Variants in MORC1 observed in about 807,000 individuals in gnomAD.
MORC1 encodes the protein MORC family CW-type zinc finger protein 1.
In MORC1, 59 loss-of-function variants were observed where a neutral mutation model predicts 134.9. The ratio of observed to expected loss-of-function variants is 0.44; its 90% CI spans 0.35 to 0.54. The LOEUF (loss-of-function observed/expected upper bound fraction) is 0.54, where lower values mean the gene tolerates loss of function less well. Ranked by LOEUF, MORC1 falls within the 20% of genes least tolerant of loss-of-function variation. The pLI is 0.00. For synonymous variants in MORC1, 395 were observed against 391.7 expected, an observed-to-expected ratio of 1.01 and a Z score of -0.10; for missense variants, 947 against 1,134.5, an observed-to-expected ratio of 0.83 and a Z score of 2.37.
intron 14 of MORC1, among the ~76,000 whole-genome samples, chr3:109,041,382 T>A (rs1949542239): frequency 6.6e-6 from 1 of 150,864 alleles, no homozygotes; most frequent in Admixed American, 6.6e-5. Flanking sequence ...TACAGAATAA[T>A]GAAAACTAAG....
chr3:109,032,744 T>C lies in MORC1; in HGVS notation c.1541A>G (p.Asn514Ser). ...KEFFDIWICANNPNRLENSCH... is the reference protein window; with the variant it reads ...KEFFDIWICASNPNRLENSCH... ...CCTGTTTTCCAAGCGGTTGGGATTA[T>C]TAGCACAAATCCAAATGTCAAAAAA... is the stretch of plus-strand genomic sequence containing the variant. The change falls in exon 16 of 28, where the codon AAT (asparagine) becomes AGT (serine). Residue 514 changes from asparagine to serine, a missense_variant. By Grantham distance (46) the Asn-to-Ser change is conservative. This residue lies in a region of MORC1 where 722 missense variants were observed against 817.0 expected (regional missense o/e 0.88). Transcript: ENST00000232603. 1 of 1,603,914 alleles carries C rather than the reference T, an allele frequency of 6.2e-7. No individual in the cohort carries two copies. The highest frequency in any genetic ancestry group is 8.5e-7 in the Non-Finnish European group (1 of 1,173,154).
intron 8 of MORC1, among the ~76,000 whole-genome samples, chr3:109,090,684 T>C (rs183201012): frequency 1.2e-4 from 18 of 145,864 alleles, no homozygotes; most frequent in Admixed American, 1.2e-3. Flanking sequence ...AAATAAATAA[T>C]GCCAAAACAC....
Position 109,099,359 on chromosome 3 carries a change from T to C in MORC1, c.422A>G (p.Glu141Gly), listed in dbSNP as rs1018210099. Residue 141 changes from glutamate to glycine, a missense_variant and splice_region_variant, in exon 6 of 28, where the codon GAG becomes GGG. Physicochemically the swap from Glu to Gly is moderately conservative, Grantham distance 98 (BLOSUM62 -2). Around this residue, in one of 3 missense-constraint regions of MORC1, gnomAD observed 214 missense variants for 281.3 expected, o/e 0.76. Coordinates refer to ENST00000232603, the MANE Select transcript of MORC1 (RefSeq NM_014429.4). ...QTFCEEESLS[E>G]VVVPMPSWLI... ...CAGAAGGAAAACTTCAACTCTTACC[T>C]CACTAAGACTTTCTTCTTCACAGAA... is the stretch of plus-strand genomic sequence containing the variant. The C allele has an allele frequency of 2.5e-6, 4 of 1,599,588 alleles. No individual in the cohort carries two copies. Among genetic ancestry groups the C allele is most frequent in the Non-Finnish European group, 2.6e-6 (3 of 1,172,376 alleles).
chr3:108,972,007 T>G (rs1050763011), intron 24 of MORC1, among the ~76,000 whole-genome samples: 1 of 152,304 alleles, frequency 6.6e-6, no homozygotes, highest in African/African-American at 2.4e-5. Flanking sequence ...GACTACAGAC[T>G]TACTGACTTT....
chr3:108,985,825 G>C (rs1947880567), intron 22 of MORC1, among the ~76,000 whole-genome samples: 1 of 152,150 alleles, frequency 6.6e-6, no homozygotes, highest in South Asian at 2.1e-4. Flanking sequence ...AGTCACAGTA[G>C]TAGTTTGAAC....
chr3:108,996,276 G>GACACA (rs1553745289), intron 21 of MORC1, among the ~76,000 whole-genome samples: 14 of 76,952 alleles, frequency 1.8e-4, no homozygotes, highest in South Asian at 3.7e-4. Context: ...GCGCGTGCGT[G>GACACA]CGCGCGCGCG....
chr3:109,038,052 CCCA>C (rs1354876438), intron 14 of MORC1, among the ~76,000 whole-genome samples: 16 of 152,310 alleles, frequency 1.1e-4, no homozygotes, highest in Admixed American at 8.5e-4. Flanking sequence ...AATTTACACT[CCCA>C]CCAACAGTGT....
intron 14 of MORC1, chr3:109,049,263 T>A: frequency 2.8e-6 from 1 of 355,752 alleles, no homozygotes; most frequent in Non-Finnish European, 3.9e-6. Flanking sequence ...ACTACAGCAT[T>A]GTCTATGTTT....
chr3:109,094,230 A>G (rs1336197258), intron 7 of MORC1, among the ~76,000 whole-genome samples: 1 of 152,240 alleles, frequency 6.6e-6, no homozygotes, highest in Admixed American at 6.5e-5. Flanking sequence ...TTAACAAAAA[A>G]AGTCCAAATT....
chr3:109,069,299 T>G (rs1219008750), intron 9 of MORC1, among the ~76,000 whole-genome samples: 2 of 152,224 alleles, frequency 1.3e-5, no homozygotes, highest in Non-Finnish European at 2.9e-5. Flanking sequence ...ATAGTTCAAA[T>G]GTATTGTGTA....
At chr3:109,085,697 T>A (rs937447934) in intron 8 of MORC1, among the ~76,000 whole-genome samples, 1 of 152,118 alleles carries the variant, frequency 6.6e-6, no homozygotes, top group Non-Finnish European at 1.5e-5. Context: ...GAGAATAGTA[T>A]GAAGGCTCCT....
chr3:109,054,923 T>A, intron 13 of MORC1, 41 bp from the exon 14 acceptor site: 1 of 1,552,198 alleles, frequency 6.4e-7, no homozygotes, highest in Non-Finnish European at 8.7e-7. Flanking sequence ...AAAATTTGGC[T>A]AAAGAAAAAA....
intron 17 of MORC1, 148 bp from the exon 18 acceptor site, chr3:109,007,239 T>A: frequency 1.7e-6 from 1 of 593,580 alleles, no homozygotes; most frequent in Admixed American, 3.2e-5. Context: ...GCATTTAAGT[T>A]TAGATATCCT....
At chr3:109,022,352 G>T (rs570629223) in intron 17 of MORC1, among the ~76,000 whole-genome samples, 161 of 152,214 alleles carry the variant, frequency 1.1e-3, no homozygotes, top group African/African-American at 3.4e-3. Context: ...ACTCAGATAC[G>T]CCATTCAATC....
At chr3:109,067,664 A>G in intron 9 of MORC1, among the ~76,000 whole-genome samples, 1 of 152,182 alleles carries the variant, frequency 6.6e-6, no homozygotes, top group East Asian at 1.9e-4. Flanking sequence ...CAGAAGAATG[A>G]GACTGATGAA....
chr3:109,116,159 A>G (rs907067668), intron 1 of MORC1, among the ~76,000 whole-genome samples: 5 of 152,218 alleles, frequency 3.3e-5, no homozygotes, highest in African/African-American at 9.6e-5. Context: ...CTTGGCTGAC[A>G]TACAACTGGA....
chr3:109,066,016 C>A (rs960313099), intron 9 of MORC1, among the ~76,000 whole-genome samples: 1 of 151,800 alleles, frequency 6.6e-6, no homozygotes, highest in African/African-American at 2.4e-5. Flanking sequence ...GAATACAAGA[C>A]GGGGGAGAGG....
At chr3:109,097,288 C>T (rs1950847717) in intron 6 of MORC1, among the ~76,000 whole-genome samples, 1 of 152,132 alleles carries the variant, frequency 6.6e-6, no homozygotes, top group Non-Finnish European at 1.5e-5. Flanking sequence ...TGAAGCAAAA[C>T]CTTCGAAATC....
At chr3:109,114,578 G>T in intron 1 of MORC1, 141 bp from the exon 2 acceptor site, 1 of 686,744 alleles carries the variant, frequency 1.5e-6, no homozygotes, top group Non-Finnish European at 2.4e-6. Context: ...AACTCTCTCA[G>T]CACGGTCAAG....
Sources: gnomAD v4.1 joint callset for allele counts (sites outside exome capture counted in the v4.1 genomes callset) on GRCh38, gnomAD v4.1.1 for gene constraint, gnomAD v4.1.1 regional missense constraint, MANE v1.5 for transcripts, NCBI Gene and HGNC (gene_info 2026-07-23, HGNC 2026-07-21) for gene names.